Variants in ASS1 observed in about 807,000 individuals in gnomAD.
ASS1 encodes the protein argininosuccinate synthase 1, also known as argininosuccinate synthase.
ASS1 carries 58 observed loss-of-function variants against 60.5 expected under a neutral mutation model. The ratio of observed to expected loss-of-function variants is 0.96; its 90% CI spans 0.78 to 1.19. The LOEUF (loss-of-function observed/expected upper bound fraction) is 1.19. Ranked by LOEUF, ASS1 falls within the 50% of genes most tolerant of loss-of-function variation. The pLI, the probability that ASS1 is intolerant of heterozygous loss-of-function variation, is 0.00. For synonymous variants in ASS1, 200 were observed against 206.9 expected (o/e 0.97, Z 0.29); for missense variants, 454 against 547.3 (o/e 0.83, Z 1.70).
At chr9:130,465,056 A>ATATATATTTTTTTTTTTTTTTTTTTT (rs1479147331) in intron 5 of ASS1, among the ~76,000 whole-genome samples, 1 of 120,150 alleles carries the variant, frequency 8.3e-6, no homozygotes, top group African/African-American at 3.6e-5. Context: ...ATATATATAT[A>ATATATATTTTTTTTTTTTTTTTTTTT]TTTTTTTTTT....
intron 8 of ASS1, among the ~76,000 whole-genome samples, chr9:130,475,006 C>A (rs1845979866): frequency 6.6e-6 from 1 of 152,194 alleles, no homozygotes; most frequent in Non-Finnish European, 1.5e-5. Context: ...TCACATCGTA[C>A]CTTGGAGGTG....
In ASS1 at chr9:130,488,948, G is replaced by A. The variant is rs1184318120; in HGVS notation, c.839-385G>A. Among the ~76,000 whole-genome samples, 1 of 152,202 alleles carries A rather than the reference G, an allele frequency of 6.6e-6. No homozygotes were observed. The highest frequency in any genetic ancestry group is 1.5e-5 in the Non-Finnish European group (1 of 68,040). On this transcript the variant is annotated intron_variant, in intron 11 of 14. Coordinates refer to ENST00000352480, the MANE Select transcript of ASS1 (RefSeq NM_054012.4). This position sits in a 1 kb window ranked among gnomAD's most constrained non-coding sequence, Gnocchi z 5.2. ...GTCCCCCTCCCCTGGCTCCCTGGTG[G>A]AAGGGAAGAAGGGATATTTGGGGCT... is the stretch of plus-strand genomic sequence containing the variant.
At chr9:130,487,942 A>G (rs1232672777) in intron 11 of ASS1, among the ~76,000 whole-genome samples, 1 of 152,044 alleles carries the variant, frequency 6.6e-6, no homozygotes, top group Admixed American at 6.6e-5. Flanking sequence ...TTTAGTAGAG[A>G]CGGGGTTTCA....
chr9:130,465,395 AT>A (rs1310179381), intron 5 of ASS1, among the ~76,000 whole-genome samples: 1 of 152,266 alleles, frequency 6.6e-6, no homozygotes, highest in East Asian at 1.9e-4. Context: ...AAACCGATAT[AT>A]CCAAAATATT....
In ASS1 at chr9:130,470,085, G is replaced by A. The variant is rs1347361177; in HGVS notation, c.496-749G>A. On this transcript the variant is annotated intron_variant, in intron 6 of 14. Transcript: ENST00000352480. This position sits in a 1 kb window ranked among gnomAD's most constrained non-coding sequence, Gnocchi z 4.3. ...TTCCAGTCGGGCGTCATCAAGGGTG[G>A]TGCGGGTCCCCAGGGCGACAAGCCT... 6.6e-6 allele frequency among the ~76,000 whole-genome samples: 1 copy of A among 152,162 alleles called. No homozygotes were observed.
At chr9:130,480,276 C>A in intron 10 of ASS1, 109 bp from the exon 11 acceptor site, 1 of 1,193,146 alleles carries the variant, frequency 8.4e-7, no homozygotes, top group Non-Finnish European at 1.2e-6. Flanking sequence ...TCCTGAAATG[C>A]TGCCTAATGT....
intron 8 of ASS1, among the ~76,000 whole-genome samples, chr9:130,472,105 G>T (rs953276735): frequency 6.6e-6 from 1 of 152,198 alleles, no homozygotes; most frequent in African/African-American, 2.4e-5. Context: ...TGTGGGAGGT[G>T]GGGGAGGCAG....
At chr9:130,469,199 A>T (rs1220633211) in intron 6 of ASS1, among the ~76,000 whole-genome samples, 1 of 152,224 alleles carries the variant, frequency 6.6e-6, no homozygotes. Flanking sequence ...TGGAGAGTCC[A>T]GTCTTGCCTT....
intron 8 of ASS1, among the ~76,000 whole-genome samples, chr9:130,472,528 C>A (rs973098445): frequency 2.6e-5 from 4 of 152,256 alleles, no homozygotes; most frequent in African/African-American, 9.6e-5. Context: ...GGCCCGGGCA[C>A]CGGCTGCTCA....
intron 13 of ASS1, among the ~76,000 whole-genome samples, chr9:130,496,014 G>A (rs911654806): frequency 6.6e-6 from 1 of 152,126 alleles, no homozygotes; most frequent in Non-Finnish European, 1.5e-5. Flanking sequence ...GGACACTTGG[G>A]TCTAGAGTTG....
Position 130,478,905 on chromosome 9 carries a change from A to G in ASS1, c.689-811A>G, listed in dbSNP as rs1026541800. Among the ~76,000 whole-genome samples the G allele has an allele frequency of 1.3e-5, 2 of 152,214 alleles. No homozygotes were observed. Among genetic ancestry groups the G allele is most frequent in the Non-Finnish European group, 2.9e-5 (2 of 68,038 alleles). ...AATAAAGCCTCGAAAGCCGCTATTG[A>G]GGCCTGATTGGCACCCGATGGCTCG... On this transcript the variant is annotated intron_variant, in intron 9 of 14. Coordinates refer to ENST00000352480, the MANE Select transcript of ASS1 (RefSeq NM_054012.4). This position sits in a 1 kb window ranked among gnomAD's most constrained non-coding sequence, Gnocchi z 4.7.
chr9:130,463,349 G>C (rs1330470302), intron 4 of ASS1, among the ~76,000 whole-genome samples: 1 of 152,254 alleles, frequency 6.6e-6, no homozygotes, highest in East Asian at 1.9e-4. Flanking sequence ...CATCAGTGTG[G>C]ACGGTGGTCC....
intron 8 of ASS1, among the ~76,000 whole-genome samples, chr9:130,473,252 G>C (rs767689004): frequency 6.6e-6 from 1 of 152,134 alleles, no homozygotes; most frequent in Non-Finnish European, 1.5e-5. Context: ...AGTACTCCTT[G>C]CCCAAAGTGG....
chr9:130,485,846 G>C (rs140010703), intron 11 of ASS1, among the ~76,000 whole-genome samples: 1 of 152,204 alleles, frequency 6.6e-6, no homozygotes, highest in Non-Finnish European at 1.5e-5. Flanking sequence ...TTTGCTCCTC[G>C]AACTTTATCG....
At chr9:130,487,521 T>A (rs979011563) in intron 11 of ASS1, among the ~76,000 whole-genome samples, 2 of 152,090 alleles carry the variant, frequency 1.3e-5, no homozygotes, top group Admixed American at 1.3e-4. Context: ...TGTGCCACTG[T>A]GACTACCGTC....
rs113323499 is a variant in ASS1, at chr9:130,449,958, T to A, written c.-5-2266T>A. 7.7e-4 allele frequency among the ~76,000 whole-genome samples: 117 copies of A among 152,324 alleles called. 2 individuals are homozygous for A. Among genetic ancestry groups the A allele is most frequent in the Middle Eastern group, 3.4e-3 (1 of 294 alleles). The stretch of plus-strand genomic sequence containing the variant: ...GTTGGCACATTACCCATCTGATATT[T>A]AAAAAATGCAATTTATGATATGTCA... On this transcript the variant is annotated intron_variant, in intron 1 of 14. Transcript: ENST00000352480.
At chr9:130,479,982 T>C in intron 10 of ASS1, 182 bp downstream of exon 10, 2 of 790,622 alleles carry the variant, frequency 2.5e-6, no homozygotes, top group Non-Finnish European at 4.5e-6. Flanking sequence ...AGAGGCTCCG[T>C]GGTCCTTAGC....
At chr9:130,447,104 C>G (rs1391134021) in intron 1 of ASS1, among the ~76,000 whole-genome samples, 1 of 152,198 alleles carries the variant, frequency 6.6e-6, no homozygotes, top group East Asian at 1.9e-4. Context: ...AGCTATAGCA[C>G]ACAGGCTCTC....
intron 8 of ASS1, among the ~76,000 whole-genome samples, chr9:130,473,443 A>G (rs1845922158): frequency 6.6e-6 from 1 of 152,012 alleles, no homozygotes; most frequent in Non-Finnish European, 1.5e-5. Flanking sequence ...GTCAGGGGAA[A>G]CATCGTTCCT....
Sources: gnomAD v4.1 joint callset for allele counts (sites outside exome capture counted in the v4.1 genomes callset) on GRCh38, gnomAD v4.1.1 for gene constraint, Gnocchi (gnomAD v3.1) non-coding constraint, MANE v1.5 for transcripts, NCBI Gene and HGNC (gene_info 2026-07-23, HGNC 2026-07-21) for gene names.